Variants in IWS1 observed in about 807,000 individuals in gnomAD.
IWS1 encodes the protein protein IWS1 homolog.
Under a neutral mutation model 86.7 loss-of-function variants are expected in IWS1, and 27 were observed. That is an observed-to-expected ratio of 0.31 (90% confidence interval 0.23 to 0.43). The LOEUF (loss-of-function observed/expected upper bound fraction) is 0.43, where lower values mean the gene tolerates loss of function less well. IWS1 is among the 20% of genes least tolerant of loss of function. The pLI is 1.00. For synonymous variants in IWS1, 313 were observed against 335.1 expected, an observed-to-expected ratio of 0.93 and a Z score of 0.72; for missense variants, 827 against 1,000.8, an observed-to-expected ratio of 0.83 and a Z score of 2.34.
chr2:127,505,139 G>C lies in IWS1; in HGVS notation c.764C>G (p.Pro255Arg). 1 of 1,611,346 alleles carries C rather than the reference G, an allele frequency of 6.2e-7. No individual in the cohort carries two copies. ...TGAGTCACTGGCCTGGTGCCTCGGA[G>C]GGTCCTCACTTTCTGAGTCACTGAT... The part of the protein sequence containing the change: ...PRISDSESED[P>R]PRHQASDSEN... Residue 255 changes from proline (P) to arginine (R), a missense_variant, in exon 3 of 14, where the codon CCT becomes CGT. Pro to Arg is a moderately radical substitution (Grantham distance 103). Around this residue, in one of 2 missense-constraint regions of IWS1, gnomAD observed 548 missense variants for 560.2 expected, o/e 0.98. Coordinates refer to ENST00000295321, the MANE Select transcript of IWS1 (RefSeq NM_017969.3). This position sits in a 1 kb window ranked among gnomAD's most constrained non-coding sequence, Gnocchi z 5.0.
chr2:127,510,128 T>C (rs972096234), intron 2 of IWS1, among the ~76,000 whole-genome samples: 6 of 152,188 alleles, frequency 3.9e-5, no homozygotes, highest in African/African-American at 1.4e-4. Flanking sequence ...GTACATTCCA[T>C]GAGGAAATAT....
intron 1 of IWS1, 27 bp downstream of exon 1, chr2:127,526,148 G>T (rs1444379078): frequency 3.1e-6 from 5 of 1,587,350 alleles, no homozygotes; most frequent in Non-Finnish European, 4.3e-6. Flanking sequence ...CCGCCTCCCA[G>T]CCCGGTCCCC....
intron 2 of IWS1, among the ~76,000 whole-genome samples, chr2:127,509,707 C>CAAAAAAAAAAAAAAAAAAAAAAAAAAA (rs34526019): frequency 1.8e-5 from 1 of 55,474 alleles, no homozygotes. Flanking sequence ...CACTCCATCT[C>CAAAAAAAAAAAAAAAAAAAAAAAAAAA]AAAAAAAAAA....
chr2:127,518,081 G>A (rs868453245), intron 2 of IWS1, among the ~76,000 whole-genome samples: 1 of 152,192 alleles, frequency 6.6e-6, no homozygotes, highest in Non-Finnish European at 1.5e-5. Context: ...GCAAAGGGAA[G>A]AGGAGGTTAG....
intron 2 of IWS1, among the ~76,000 whole-genome samples, chr2:127,508,282 C>G (rs1207868992): frequency 6.6e-6 from 1 of 152,026 alleles, no homozygotes; most frequent in Non-Finnish European, 1.5e-5. Context: ...GTGTGACATG[C>G]ACTATTCACA....
chr2:127,509,477 G>C (rs529575913), intron 2 of IWS1, among the ~76,000 whole-genome samples: 28 of 152,066 alleles, frequency 1.8e-4, no homozygotes, highest in Non-Finnish European at 1.0e-4. Flanking sequence ...GGGAGGCCGA[G>C]GTGGGCAGAT....
At chr2:127,517,864 T>A (rs1259955858) in intron 2 of IWS1, among the ~76,000 whole-genome samples, 4 of 152,236 alleles carry the variant, frequency 2.6e-5, no homozygotes, top group Non-Finnish European at 5.9e-5. Context: ...TATATCCATA[T>A]AATGGAATAT....
At chr2:127,502,709 T>A in intron 5 of IWS1, 106 bp downstream of exon 5, 1 of 586,182 alleles carries the variant, frequency 1.7e-6, no homozygotes, top group Non-Finnish European at 3.1e-6. Flanking sequence ...GAATACATCA[T>A]AATTGTTTAT....
At chr2:127,490,943 G>A (rs1272896584) in intron 10 of IWS1, 1 of 152,224 alleles carries the variant, frequency 6.6e-6, no homozygotes, top group Non-Finnish European at 1.5e-5. Context: ...TTCGAACGTA[G>A]TAGTTACTTT....
intron 2 of IWS1, chr2:127,514,217 C>T (rs980273467): frequency 3.9e-5 from 6 of 154,458 alleles, no homozygotes; most frequent in African/African-American, 1.4e-4. Flanking sequence ...CACTTCAAGT[C>T]CCCTTGCTGC....
chr2:127,485,805 C>T (rs935596968), intron 13 of IWS1: 8 of 152,292 alleles, frequency 5.3e-5, no homozygotes, highest in African/African-American at 1.7e-4. Context: ...AAAGCACACA[C>T]ACACACACTT....
chr2:127,526,582 C>G, upstream of IWS1: 1 of 1,385,078 alleles, frequency 7.2e-7, no homozygotes, highest in Non-Finnish European at 9.6e-7. Flanking sequence ...CAGGCACGGC[C>G]GGAAAGGAGA....
At chr2:127,510,847 T>C (rs750710502) in intron 2 of IWS1, among the ~76,000 whole-genome samples, 9 of 152,216 alleles carry the variant, frequency 5.9e-5, no homozygotes, top group Non-Finnish European at 8.8e-5. Context: ...ACACCAGCAG[T>C]TCCCAAACTT....
intron 5 of IWS1, 35 bp from the exon 6 acceptor site, chr2:127,498,272 T>C (rs1425667531): frequency 1.6e-5 from 26 of 1,592,550 alleles, no homozygotes; most frequent in Non-Finnish European, 2.2e-5. Flanking sequence ...CCTTACAGAT[T>C]TTCTTCTGTA....
chr2:127,526,649 A>C (rs550075085), upstream of IWS1: 376 of 1,325,354 alleles, frequency 2.8e-4, 3 homozygotes, highest in South Asian at 4.3e-3. Context: ...CCTCGGGTGG[A>C]TCCTGGTCTG....
At position 127,499,749 on chromosome 2, in the gene IWS1, G is replaced by GTT. The variant is rs1553434819; in HGVS notation, c.1468-1514_1468-1513dup. On this transcript the variant is annotated intron_variant, in intron 5 of 13. Transcript: ENST00000295321. This position sits in a 1 kb window ranked among gnomAD's most constrained non-coding sequence, Gnocchi z 4.0. ...ATTGCATTGGTTAAAAATAAGTATT[G>GTT]TTTTTTTTTTGACCCAAGAACTATT... Among the ~76,000 whole-genome samples, 1 of 147,096 alleles carries GTT rather than the reference G, an allele frequency of 6.8e-6. No homozygotes were observed. Among genetic ancestry groups the GTT allele is most frequent in the Middle Eastern group, 3.2e-3 (1 of 310 alleles).
At chr2:127,494,995 CTTTT>C (rs1690440155) in intron 7 of IWS1, 41 bp from the exon 8 acceptor site, 1 of 1,233,592 alleles carries the variant, frequency 8.1e-7, no homozygotes, top group Non-Finnish European at 1.2e-6. Context: ...TAAAACAGTA[CTTTT>C]TATTAATATT....
At position 127,480,926 on chromosome 2, in the gene IWS1, A is replaced by G. The variant is rs567991612; in HGVS notation, c.*118T>C. The G allele has an allele frequency of 3.2e-5, 36 of 1,125,460 alleles. No homozygotes were observed. The East Asian group carries it at 7.9e-4, about 25-fold the overall frequency. 69.7% of individuals were successfully genotyped at this position (1,125,460 alleles called of 1,614,324 possible). A position where few individuals can be genotyped will look rare whatever the true frequency, so the allele number is the denominator to read the frequency against. On this transcript the variant is annotated 3_prime_UTR_variant, in exon 14 of 14. Transcript: ENST00000295321. ...AGAGAAATGTGAGTCCTATGACAAC[A>G]TCTGATACACGCTGAACCATTTACA...
chr2:127,494,707 A>G lies in IWS1; in HGVS notation c.1799+165T>C, dbSNP rs1329994347. ...CTGTTTGCACCAGGCATCAAGGCTT[A>G]ATAAAAATTTATGAAGAAATATAAT... On this transcript the variant is annotated intron_variant, in intron 8 of 13. Transcript: ENST00000295321. 9.4e-6 allele frequency: 4 copies of G among 424,036 alleles called. No homozygotes were observed. The Admixed American group carries it at 1.3e-4, about 14-fold the overall frequency. The allele number at this position is 424,036 out of a possible 1,614,324, so 26.3% of individuals were successfully genotyped here.
Sources: allele counts gnomAD v4.1 joint callset (sites outside exome capture counted in the v4.1 genomes callset), GRCh38; gene constraint gnomAD v4.1.1; regional missense constraint gnomAD v4.1.1; non-coding constraint Gnocchi (gnomAD v3.1); transcripts MANE v1.5; gene names NCBI Gene and HGNC (gene_info 2026-07-23, HGNC 2026-07-21).